Variants in OLFM4 observed in about 807,000 individuals in gnomAD.
OLFM4 encodes the protein olfactomedin 4.
Under a neutral mutation model 25.5 loss-of-function variants are expected in OLFM4, and 22 were observed. The observed-to-expected ratio is 0.86, with a 90% CI of 0.62 to 1.23. OLFM4 has a LOEUF of 1.23. Ranked by LOEUF, OLFM4 falls within the 50% of genes most tolerant of loss-of-function variation. OLFM4 has a pLI of 0.00. For missense variants in OLFM4, 594 were observed against 619.4 expected, an observed-to-expected ratio of 0.96 and a Z score of 0.44; for synonymous variants, 255 against 237.7, an observed-to-expected ratio of 1.07 and a Z score of -0.67.
intron 4 of OLFM4, among the ~76,000 whole-genome samples, chr13:53,048,328 T>C (rs952578366): frequency 3.3e-5 from 5 of 152,210 alleles, no homozygotes; most frequent in African/African-American, 1.2e-4. Context: ...GTGTTCTGCT[T>C]AATGATATGC....
intron 4 of OLFM4, among the ~76,000 whole-genome samples, chr13:53,044,011 C>T (rs1289424843): frequency 1.3e-5 from 2 of 152,118 alleles, no homozygotes; most frequent in Non-Finnish European, 2.9e-5. Context: ...ATTCCAAAGA[C>T]CTGAGCTTCT....
rs373615094 is a variant in OLFM4, at chr13:53,050,181, T to C, written c.943T>C (p.Tyr315His). The C allele has an allele frequency of 5.3e-5, 86 of 1,613,926 alleles. No individual in the cohort carries two copies. The African/African-American group carries it at 9.7e-4, about 18-fold the overall frequency. ...LYNTLDDLLL[Y>H]INARELRITY... ...CAACACACTGGATGATTTGCTATTG[T>C]ATATAAATGCTCGAGAGTTGCGGAT... The change falls in exon 5 of 5, where the codon TAT becomes CAT. Residue 315 changes from tyrosine to histidine, a missense_variant. Coordinates refer to ENST00000219022, the MANE Select transcript of OLFM4 (RefSeq NM_006418.5).
chr13:53,045,021 G>T (rs17053823), intron 4 of OLFM4, among the ~76,000 whole-genome samples: 9,694 of 152,262 alleles, frequency 0.064, 438 homozygotes, highest in East Asian at 0.2. Context: ...AGGAGAAGAC[G>T]TGGATGGTAA....
intron 4 of OLFM4, 67 bp downstream of exon 4, chr13:53,043,331 A>T: frequency 5.9e-6 from 7 of 1,187,090 alleles, no homozygotes; most frequent in Non-Finnish European, 6.8e-6. Flanking sequence ...GGGGTGGGGA[A>T]GGGATTGGGG....
chr13:53,043,131 G>C lies in OLFM4; in HGVS notation c.597G>C (p.Glu199Asp), dbSNP rs1228935349. The change falls in exon 4 of 5, where the codon GAG (glutamate) becomes GAC (aspartate). Residue 199 changes from glutamate to aspartate, a missense_variant. Coordinates refer to ENST00000219022, the MANE Select transcript of OLFM4 (RefSeq NM_006418.5). ...TAAGAAATATGACTCTCTTGGTAGA[G>C]AAGCTTGAGACACTAGACAAAAACA... ...VEIRNMTLLVEKLETLDKNNV... is the reference protein window; with the variant it reads ...VEIRNMTLLVDKLETLDKNNV... The C allele has an allele frequency of 6.2e-7, 1 of 1,607,254 alleles. No individual in the cohort carries two copies. Among genetic ancestry groups the C allele is most frequent in the Non-Finnish European group, 8.5e-7 (1 of 1,177,864 alleles).
Position 53,029,059 on chromosome 13 carries a change from C to A in OLFM4, c.204+19C>A. ...GTCCCAGGTGAGGAGGCCCCAGAAT[C>A]TGAATGAGCTGCATTCATTCCCTTC... is the stretch of plus-strand genomic sequence containing the variant. On this transcript the variant is annotated intron_variant, in intron 1 of 4. Coordinates refer to ENST00000219022, the MANE Select transcript of OLFM4 (RefSeq NM_006418.5). The A allele has an allele frequency of 6.2e-7, 1 of 1,613,140 alleles. No homozygotes were observed. Among genetic ancestry groups the A allele is most frequent in the Non-Finnish European group, 8.5e-7 (1 of 1,179,962 alleles).
chr13:53,044,860 A>G (rs745728328), intron 4 of OLFM4, among the ~76,000 whole-genome samples: 1 of 152,194 alleles, frequency 6.6e-6, no homozygotes, highest in Non-Finnish European at 1.5e-5. Flanking sequence ...ACAACTCCTG[A>G]TAATCCCTGA....
rs1954745794 is a variant in OLFM4, at chr13:53,051,028, G to A, written c.*257G>A. The A allele has an allele frequency of 2.5e-6, 1 of 394,200 alleles. No homozygotes were observed. The highest frequency in any genetic ancestry group is 4.5e-6 in the Non-Finnish European group (1 of 223,516). 24.4% of individuals were successfully genotyped at this position (394,200 alleles called of 1,614,324 possible). On this transcript the variant is annotated 3_prime_UTR_variant, in exon 5 of 5. Coordinates refer to ENST00000219022, the MANE Select transcript of OLFM4 (RefSeq NM_006418.5). Reference sequence around the variant, plus strand: ...TGTCAGAGGTCTAGGGGCACTGTGGGCCTAGTGAAGCCTACTGTGAGGAGG... The same window carrying A: ...TGTCAGAGGTCTAGGGGCACTGTGGACCTAGTGAAGCCTACTGTGAGGAGG...
chr13:53,036,383 A>G (rs1954658521), intron 2 of OLFM4, among the ~76,000 whole-genome samples: 1 of 152,240 alleles, frequency 6.6e-6, no homozygotes, highest in Non-Finnish European at 1.5e-5. Context: ...ATTTGCTTTG[A>G]AATAGTGGAA....
chr13:53,037,993 A>G (rs1954667630), intron 2 of OLFM4, among the ~76,000 whole-genome samples: 1 of 152,182 alleles, frequency 6.6e-6, no homozygotes, highest in East Asian at 1.9e-4. Context: ...CTCATCAATG[A>G]TATAGTATGT....
Position 53,050,924 on chromosome 13 carries a change from G to T in OLFM4, c.*153G>T. On this transcript the variant is annotated 3_prime_UTR_variant, in exon 5 of 5. Coordinates refer to ENST00000219022, the MANE Select transcript of OLFM4 (RefSeq NM_006418.5). ...ACCACACTAGAGATCTAGGACATTT[G>T]TCTTGATTTGGTGAGTTCTCTTGGG... is the stretch of plus-strand genomic sequence containing the variant. The T allele has an allele frequency of 3.1e-6, 2 of 652,842 alleles. No homozygotes were observed. Among genetic ancestry groups the T allele is most frequent in the Non-Finnish European group, 5.0e-6 (2 of 399,194 alleles). 40.4% of individuals were successfully genotyped at this position (652,842 alleles called of 1,614,324 possible).
intron 1 of OLFM4, 100 bp from the exon 2 acceptor site, chr13:53,034,248 T>A: frequency 9.1e-7 from 1 of 1,104,204 alleles, no homozygotes; most frequent in Admixed American, 2.2e-5. Flanking sequence ...CTCCACTTAC[T>A]TGCCTGTAAG....
intron 1 of OLFM4, among the ~76,000 whole-genome samples, chr13:53,032,404 G>A (rs935375349): frequency 2.0e-5 from 3 of 151,930 alleles, no homozygotes; most frequent in Admixed American, 6.6e-5. Context: ...TTGATATGTC[G>A]GTCTTTTCTG....
At position 53,050,500 on chromosome 13, in the gene OLFM4, G is replaced by T. The variant is rs1954741661; in HGVS notation, c.1262G>T (p.Trp421Leu). The part of the protein sequence containing the change: ...NDTTLQVLNT[W>L]YTKQYKPSAS... ...ACCACACTTCAGGTGCTAAACACTTGGTATACCAAGCAGTATAAACCATCT... is the reference window on the plus strand; with the variant it reads ...ACCACACTTCAGGTGCTAAACACTTTGTATACCAAGCAGTATAAACCATCT... Residue 421 changes from tryptophan to leucine, a missense_variant, in exon 5 of 5, where the codon TGG becomes TTG. Transcript: ENST00000219022. 6.2e-7 allele frequency: 1 copy of T among 1,613,866 alleles called. No individual in the cohort carries two copies. Among genetic ancestry groups the T allele is most frequent in the Non-Finnish European group, 8.5e-7 (1 of 1,179,956 alleles).
Position 53,052,031 on chromosome 13 carries a change from A to T in OLFM4, c.*1260A>T, listed in dbSNP as rs1191512385. 6.6e-6 allele frequency: 1 copy of T among 152,168 alleles called. No homozygotes were observed. The highest frequency in any genetic ancestry group is 6.5e-5 in the Admixed American group (1 of 15,270). 9.4% of individuals were successfully genotyped at this position (152,168 alleles called of 1,614,324 possible). A position where few individuals can be genotyped will look rare whatever the true frequency, so the allele number is the denominator to read the frequency against. Reference sequence around the variant, plus strand: ...AATGCTTTACTCCCCCTTTTAAAATAAATGATTAAAATGTGCTTTGAAAAA... The same window carrying T: ...AATGCTTTACTCCCCCTTTTAAAATTAATGATTAAAATGTGCTTTGAAAAA... On this transcript the variant is annotated 3_prime_UTR_variant, in exon 5 of 5. Transcript: ENST00000219022.
At chr13:53,036,313 A>T (rs1954658172) in intron 2 of OLFM4, among the ~76,000 whole-genome samples, 1 of 152,250 alleles carries the variant, frequency 6.6e-6, no homozygotes, top group African/African-American at 2.4e-5. Context: ...ATAAGAAGTT[A>T]TGCATAAAAA....
rs150372687 is a variant in OLFM4, at chr13:53,035,628, G to A, written c.357+1128G>A. Among the ~76,000 whole-genome samples, 53 of 152,060 alleles carry A rather than the reference G, an allele frequency of 3.5e-4. No homozygotes were observed. The East Asian group carries it at 5.8e-3, about 17-fold the overall frequency. On this transcript the variant is annotated intron_variant, in intron 2 of 4. Coordinates refer to ENST00000219022, the MANE Select transcript of OLFM4 (RefSeq NM_006418.5). ...CATCCTCACCCTCCATCTCTTTCTTGATGGTTATCTTCTATTGTCTCAGCA... is the reference window on the plus strand; with the variant it reads ...CATCCTCACCCTCCATCTCTTTCTTAATGGTTATCTTCTATTGTCTCAGCA...
intron 1 of OLFM4, among the ~76,000 whole-genome samples, chr13:53,033,847 T>A (rs951000574): frequency 1.3e-5 from 2 of 151,786 alleles, no homozygotes; most frequent in African/African-American, 4.8e-5. Context: ...GATCACGAGG[T>A]CAGGAGATCG....
Position 53,051,557 on chromosome 13 carries a change from C to G in OLFM4, c.*786C>G, listed in dbSNP as rs1954748525. The G allele has an allele frequency of 6.6e-6, 1 of 152,102 alleles. No individual in the cohort carries two copies. Among genetic ancestry groups the G allele is most frequent in the South Asian group, 2.1e-4 (1 of 4,828 alleles). The allele number at this position is 152,102 out of a possible 1,614,324, so 9.4% of individuals were successfully genotyped here. On this transcript the variant is annotated 3_prime_UTR_variant, in exon 5 of 5. Transcript: ENST00000219022. ...TAACCAATTCCACCCCCCACCAACC[C>G]CCTTCTACTGCCTACTTTAAAAAAA... is the stretch of plus-strand genomic sequence containing the variant.
Sources: gnomAD v4.1 joint callset for allele counts (sites outside exome capture counted in the v4.1 genomes callset) on GRCh38, gnomAD v4.1.1 for gene constraint, MANE v1.5 for transcripts, NCBI Gene and HGNC (gene_info 2026-07-23, HGNC 2026-07-21) for gene names.